Variants in OSBPL9 observed in about 807,000 individuals in gnomAD.
OSBPL9 encodes the protein oxysterol binding protein like 9.
OSBPL9 carries 40 observed loss-of-function variants against 106.6 expected under a neutral mutation model. That is an observed-to-expected ratio of 0.38 (90% CI 0.29 to 0.49). OSBPL9 has a LOEUF of 0.49. Ranked by LOEUF, OSBPL9 falls within the 20% of genes least tolerant of loss-of-function variation. The pLI, the probability that OSBPL9 is intolerant of heterozygous loss-of-function variation, is 0.97. For missense variants in OSBPL9, 609 were observed against 887.2 expected, an observed-to-expected ratio of 0.69 and a Z score of 3.98; for synonymous variants, 269 against 295.4, an observed-to-expected ratio of 0.91 and a Z score of 0.92.
intron 1 of OSBPL9, among the ~76,000 whole-genome samples, chr1:51,586,563 A>T (rs1645249077): frequency 6.6e-6 from 1 of 152,206 alleles, no homozygotes; most frequent in Non-Finnish European, 1.5e-5. Context: ...TTATTTCTTG[A>T]GAGGAAAAAG....
chr1:51,649,116 T>C (rs185834599), intron 1 of OSBPL9, among the ~76,000 whole-genome samples: 1 of 152,236 alleles, frequency 6.6e-6, no homozygotes, highest in East Asian at 1.9e-4. Context: ...AAATGTTTAA[T>C]TTTAATTTTT....
intron 1 of OSBPL9, among the ~76,000 whole-genome samples, chr1:51,635,386 T>C (rs890795967): frequency 1.3e-5 from 2 of 152,090 alleles, no homozygotes; most frequent in African/African-American, 4.8e-5. Context: ...CAGAAAAAGG[T>C]GTTTGCACCT....
intron 2 of OSBPL9, among the ~76,000 whole-genome samples, chr1:51,607,363 T>C (rs1337612241): frequency 2.0e-5 from 3 of 151,984 alleles, no homozygotes. Flanking sequence ...GGTTTCACCA[T>C]GTTGGCCAGG....
intron 3 of OSBPL9, among the ~76,000 whole-genome samples, chr1:51,690,964 G>A (rs1654830424): frequency 6.6e-6 from 1 of 152,186 alleles, no homozygotes; most frequent in South Asian, 2.1e-4. Context: ...TATTACTGAA[G>A]TAAATACTGT....
intron 2 of OSBPL9, among the ~76,000 whole-genome samples, chr1:51,657,833 C>A (rs1037114243): frequency 7.2e-5 from 11 of 152,120 alleles, no homozygotes; most frequent in Admixed American, 5.2e-4. Flanking sequence ...CTTGGTGGCT[C>A]ATGCCTGTAA....
the OSBPL9 span, among the ~76,000 whole-genome samples, chr1:51,568,410 C>A: frequency 6.6e-6 from 1 of 152,182 alleles, no homozygotes; most frequent in East Asian, 1.9e-4. Context: ...TATTCAAACC[C>A]AAGGCTACCT....
intron 2 of OSBPL9, among the ~76,000 whole-genome samples, chr1:51,601,291 A>G (rs80167111): frequency 0.014 from 2,155 of 152,272 alleles, 52 homozygotes; most frequent in African/African-American, 0.047. Flanking sequence ...TAGATAGGAG[A>G]TTAGATCTTT....
At chr1:51,660,546 A>G (rs1413380533) in intron 2 of OSBPL9, among the ~76,000 whole-genome samples, 1 of 152,260 alleles carries the variant, frequency 6.6e-6, no homozygotes, top group African/African-American at 2.4e-5. Flanking sequence ...CATACTTTCA[A>G]TTCATGTAAG....
At chr1:51,726,364 C>G (rs372380694) in intron 4 of OSBPL9, among the ~76,000 whole-genome samples, 180 of 152,288 alleles carry the variant, frequency 1.2e-3, no homozygotes, top group African/African-American at 4.2e-3. Context: ...TCTTAACATG[C>G]TAGATCAGAA....
At chr1:51,728,508 A>G (rs773604657) in intron 4 of OSBPL9, among the ~76,000 whole-genome samples, 13 of 152,126 alleles carry the variant, frequency 8.5e-5, no homozygotes, top group Non-Finnish European at 1.3e-4. Flanking sequence ...TGGTTTGCGT[A>G]TTAGGGTGGA....
chr1:51,731,400 A>G (rs1480981478), intron 4 of OSBPL9, among the ~76,000 whole-genome samples: 4 of 152,172 alleles, frequency 2.6e-5, no homozygotes, highest in African/African-American at 9.6e-5. Flanking sequence ...GCGGTGAGCT[A>G]TGATTGCACC....
intron 4 of OSBPL9, among the ~76,000 whole-genome samples, chr1:51,736,562 CAAGAAGTATT>C (rs940193790): frequency 6.6e-6 from 1 of 152,098 alleles, no homozygotes; most frequent in African/African-American, 2.4e-5. Context: ...ATCAAATTTT[CAAGAAGTATT>C]AGGCTATAAG....
chr1:51,716,642 TAACTG>T (rs143382172), intron 4 of OSBPL9, among the ~76,000 whole-genome samples: 3,501 of 152,222 alleles, frequency 0.023, 76 homozygotes, highest in Middle Eastern at 0.088. Context: ...AATGAAGAAA[TAACTG>T]AAGGAATGAA....
intron 4 of OSBPL9, chr1:51,740,209 A>T: frequency 1.3e-6 from 2 of 1,537,040 alleles, no homozygotes; most frequent in Non-Finnish European, 1.8e-6. Flanking sequence ...TTCAAAAATA[A>T]TTGTAAGTGA....
rs114773739 is a variant in OSBPL9, at chr1:51,657,727, C to T, written c.162+5686C>T. On this transcript the variant is annotated intron_variant, in intron 2 of 23. Coordinates refer to ENST00000428468, the MANE Select transcript of OSBPL9 (RefSeq NM_024586.6). ...TGTTGCTTGAGTCCTGTGGTCTGAT[C>T]CTCTCCCATACTAGTCAAAAACAAA... 9.0e-3 allele frequency among the ~76,000 whole-genome samples: 1,367 copies of T among 152,190 alleles called. 25 individuals are homozygous for T. The highest frequency in any genetic ancestry group is 0.032 in the African/African-American group (1,320 of 41,508).
chr1:51,773,054 C>T (rs1290044658), intron 14 of OSBPL9, among the ~76,000 whole-genome samples: 2 of 152,124 alleles, frequency 1.3e-5, no homozygotes, highest in Non-Finnish European at 2.9e-5. Flanking sequence ...TCTGTTTCTT[C>T]CTCTGTGGAC....
chr1:51,654,439 T>C (rs1242765574), intron 2 of OSBPL9, among the ~76,000 whole-genome samples: 1 of 152,206 alleles, frequency 6.6e-6, no homozygotes, highest in Non-Finnish European at 1.5e-5. Context: ...GATTATTTCC[T>C]ATTATTTACC....
In OSBPL9 at chr1:51,781,240, A is replaced by G; in HGVS notation, c.1333A>G (p.Arg445Gly). The change falls in exon 16 of 24, where the codon AGG becomes GGG. Residue 445 changes from arginine (R) to glycine (G), a missense_variant. Arg to Gly is a moderately radical substitution (Grantham distance 125, BLOSUM62 -2). Coordinates refer to ENST00000428468, the MANE Select transcript of OSBPL9 (RefSeq NM_024586.6). Reference sequence around the variant, plus strand: ...GTACCTCTCAGCCTTTCATGCGGGAAGGAAAGGATCAGTTGCCAAAAAGCC... The same window carrying G: ...GTACCTCTCAGCCTTTCATGCGGGAGGGAAAGGATCAGTTGCCAAAAAGCC... ...KWYLSAFHAG[R>G]KGSVAKKPYN... 2 of 1,614,150 alleles carry G rather than the reference A, an allele frequency of 1.2e-6. No individual in the cohort carries two copies. The highest frequency in any genetic ancestry group is 2.2e-5 in the East Asian group (1 of 44,880).
At chr1:51,620,695 C>T (rs2148623113) in intron 1 of OSBPL9, among the ~76,000 whole-genome samples, 1 of 152,230 alleles carries the variant, frequency 6.6e-6, no homozygotes, top group East Asian at 1.9e-4. Flanking sequence ...GAGAGATGAA[C>T]TGGGGAGCTA....
Sources: allele counts gnomAD v4.1 joint callset (sites outside exome capture counted in the v4.1 genomes callset), GRCh38; gene constraint gnomAD v4.1.1; transcripts MANE v1.5; gene names NCBI Gene and HGNC (gene_info 2026-07-23, HGNC 2026-07-21).